Variants in GABRG3 observed in about 807,000 individuals in gnomAD.
GABRG3 encodes gamma-aminobutyric acid receptor subunit gamma-3.
A neutral mutation model predicts 48.8 loss-of-function variants in GABRG3; 25 were observed. The ratio of observed to expected loss-of-function variants is 0.51; its 90% confidence interval spans 0.37 to 0.72. The LOEUF is 0.72. Ranked by LOEUF, GABRG3 falls within the 30% of genes least tolerant of loss-of-function variation. GABRG3 has a pLI of 0.00. For synonymous variants in GABRG3, 227 were observed against 217.6 expected (o/e 1.04, Z -0.38); for missense variants, 394 against 577.9 (o/e 0.68, Z 3.26).
intron 3 of GABRG3, among the ~76,000 whole-genome samples, chr15:27,209,198 A>G (rs1307640420): frequency 6.6e-6 from 1 of 152,188 alleles, no homozygotes; most frequent in African/African-American, 2.4e-5. Flanking sequence ...CCAAAACAGA[A>G]TGGAGAGTCC....
At chr15:27,228,464 G>A (rs960906631) in intron 3 of GABRG3, among the ~76,000 whole-genome samples, 7 of 152,136 alleles carry the variant, frequency 4.6e-5, no homozygotes, top group South Asian at 2.1e-4. Flanking sequence ...CCAGTCTACC[G>A]TTGATGGGCA....
At chr15:27,391,254 C>A (rs766119493) in intron 5 of GABRG3, among the ~76,000 whole-genome samples, 1 of 152,032 alleles carries the variant, frequency 6.6e-6, no homozygotes, top group Non-Finnish European at 1.5e-5. Context: ...AAGCAATATG[C>A]TGTTACAGGA....
chr15:27,323,494 G>T, intron 3 of GABRG3, among the ~76,000 whole-genome samples: 1 of 152,128 alleles, frequency 6.6e-6, no homozygotes, highest in East Asian at 1.9e-4. Context: ...GCCCATATGT[G>T]CCTCCCTGAC....
In GABRG3 at chr15:27,248,053, C is replaced by CTT. The variant is rs536903854; in HGVS notation, c.271-78755_271-78754insTT. Among the ~76,000 whole-genome samples, 276 of 152,290 alleles carry CTT rather than the reference C, an allele frequency of 1.8e-3. 4 individuals are homozygous for CTT. The highest frequency in any genetic ancestry group is 6.4e-3 in the African/African-American group (267 of 41,560). ...ACAGGAGTGACTCCACTGTCACTGT[C>CTT]TGTGTTTCTACTTATTTTTCCTCCC... On this transcript the variant is annotated intron_variant, in intron 3 of 9. Coordinates refer to ENST00000615808, the MANE Select transcript of GABRG3 (RefSeq NM_033223.5).
chr15:27,129,083 A>G (rs915305961), intron 3 of GABRG3, among the ~76,000 whole-genome samples: 5 of 152,194 alleles, frequency 3.3e-5, no homozygotes, highest in African/African-American at 1.2e-4. Context: ...TATAAAATGT[A>G]TCATTTTGAG....
intron 3 of GABRG3, among the ~76,000 whole-genome samples, chr15:27,287,497 A>G: frequency 6.6e-6 from 1 of 152,208 alleles, no homozygotes; most frequent in Non-Finnish European, 1.5e-5. Context: ...ATCTTCCTGA[A>G]AGAAATGAAA....
chr15:27,327,976 T>G (rs541410234), intron 4 of GABRG3, among the ~76,000 whole-genome samples: 1 of 152,182 alleles, frequency 6.6e-6, no homozygotes, highest in South Asian at 2.1e-4. Flanking sequence ...GAAATCTGAT[T>G]CCTCACATTA....
chr15:27,427,124 T>G (rs1207679750), intron 5 of GABRG3, among the ~76,000 whole-genome samples: 4 of 152,240 alleles, frequency 2.6e-5, no homozygotes, highest in African/African-American at 9.6e-5. Context: ...TATATAGGAT[T>G]TATGATGGTG....
intron 3 of GABRG3, among the ~76,000 whole-genome samples, chr15:27,192,119 T>A (rs1595576627): frequency 6.6e-6 from 1 of 152,236 alleles, no homozygotes; most frequent in Non-Finnish European, 1.5e-5. Flanking sequence ...GGCTTCCCTT[T>A]GAGGGTAACC....
intron 2 of GABRG3, among the ~76,000 whole-genome samples, chr15:27,024,709 A>G (rs1427159549): frequency 2.6e-5 from 4 of 152,146 alleles, no homozygotes; most frequent in Non-Finnish European, 4.4e-5. Context: ...TAATGCTTCA[A>G]TTACGTTAGC....
rs1890938323 is a variant in GABRG3, at chr15:27,266,902, T to G, written c.271-59907T>G. On this transcript the variant is annotated intron_variant, in intron 3 of 9. Coordinates refer to ENST00000615808, the MANE Select transcript of GABRG3 (RefSeq NM_033223.5). ...CCTGAAACTTTGCTAATACCTTTCT[T>G]TATAGTTTGCATAAGTAATTATATC... Among the ~76,000 whole-genome samples the G allele has an allele frequency of 2.6e-5, 4 of 152,178 alleles. No homozygotes were observed. In the South Asian group the frequency reaches 6.2e-4, roughly 24 times the overall value.
intron 5 of GABRG3, among the ~76,000 whole-genome samples, chr15:27,395,998 C>A (rs1337966126): frequency 6.6e-6 from 1 of 152,088 alleles, no homozygotes; most frequent in African/African-American, 2.4e-5. Context: ...GTAGCTGGGA[C>A]CACAAGTGCA....
intron 5 of GABRG3, among the ~76,000 whole-genome samples, chr15:27,409,457 G>C (rs1354615448): frequency 2.0e-5 from 3 of 151,828 alleles, no homozygotes; most frequent in Non-Finnish European, 2.9e-5. Flanking sequence ...ATCTGTGTAT[G>C]TACCCTCCAC....
chr15:27,446,013 C>T (rs1206746865), intron 5 of GABRG3, among the ~76,000 whole-genome samples: 1 of 151,990 alleles, frequency 6.6e-6, no homozygotes, highest in Admixed American at 6.6e-5. Context: ...TATTTCTATC[C>T]TGATTTCAGT....
intron 2 of GABRG3, among the ~76,000 whole-genome samples, chr15:26,986,630 A>G (rs1895156584): frequency 6.6e-6 from 1 of 152,168 alleles, no homozygotes; most frequent in South Asian, 2.1e-4. Context: ...TATGTGCTGG[A>G]TTTCAAAAAT....
intron 5 of GABRG3, among the ~76,000 whole-genome samples, chr15:27,368,426 C>T (rs942330893): frequency 1.3e-4 from 20 of 152,238 alleles, no homozygotes; most frequent in Non-Finnish European, 1.3e-4. Flanking sequence ...GCTGTCCTCA[C>T]AGAACCTGTG....
At chr15:27,143,637 G>C (rs1898146270) in intron 3 of GABRG3, among the ~76,000 whole-genome samples, 2 of 152,234 alleles carry the variant, frequency 1.3e-5, no homozygotes. Context: ...AAAGCTGCGA[G>C]TGTATCCTTT....
intron 5 of GABRG3, among the ~76,000 whole-genome samples, chr15:27,414,406 G>T (rs1459724453): frequency 6.6e-6 from 1 of 152,020 alleles, no homozygotes; most frequent in African/African-American, 2.4e-5. Context: ...GGGTTTCATT[G>T]GGAGACGGAT....
chr15:26,998,449 C>G (rs1165764705), intron 2 of GABRG3, among the ~76,000 whole-genome samples: 1 of 152,164 alleles, frequency 6.6e-6, no homozygotes, highest in Non-Finnish European at 1.5e-5. Context: ...ATCTCTGCTG[C>G]ACAACAGGCA....
Sources: allele counts gnomAD v4.1 joint callset (sites outside exome capture counted in the v4.1 genomes callset), GRCh38; gene constraint gnomAD v4.1.1; transcripts MANE v1.5; gene names NCBI Gene and HGNC (gene_info 2026-07-23, HGNC 2026-07-21).